The following FABP12 variants were observed in gnomAD, a reference collection of about 807,000 sequenced individuals.
FABP12 encodes the protein fatty acid binding protein 12.
FABP12 carries 19 observed loss-of-function variants against 13.7 expected under a neutral mutation model. That is an observed-to-expected ratio of 1.39 (90% confidence interval 0.97 to 2.04). The LOEUF (loss-of-function observed/expected upper bound fraction) is 2.04. FABP12 is among the 30% of genes most tolerant of loss of function. The pLI is 0.00. For synonymous variants in FABP12, 61 were observed against 57.0 expected, an observed-to-expected ratio of 1.07 and a Z score of -0.32; for missense variants, 182 against 164.2, an observed-to-expected ratio of 1.11 and a Z score of -0.59.
At chr8:81,582,283 T>C (rs747937597) in intron 1 of FABP12, among the ~76,000 whole-genome samples, 3 of 151,872 alleles carry the variant, frequency 2.0e-5, no homozygotes, top group Non-Finnish European at 4.4e-5. Flanking sequence ...CCATCACGCC[T>C]GGCTAATTTT....
intron 1 of FABP12, among the ~76,000 whole-genome samples, chr8:81,554,713 C>T (rs1249154393): frequency 1.3e-5 from 2 of 152,004 alleles, no homozygotes; most frequent in African/African-American, 4.8e-5. Context: ...GACAAGGTGT[C>T]CAATCTTTTG....
chr8:81,568,794 C>A (rs1394216290), intron 1 of FABP12, among the ~76,000 whole-genome samples: 3 of 151,976 alleles, frequency 2.0e-5, no homozygotes, highest in Non-Finnish European at 2.9e-5. Context: ...ATACTAAGAT[C>A]CTGTCATTTG....
chr8:81,587,207 A>T (rs1406054031), intron 1 of FABP12, among the ~76,000 whole-genome samples: 2 of 152,154 alleles, frequency 1.3e-5, no homozygotes, highest in African/African-American at 4.8e-5. Context: ...CTTGTAATAT[A>T]GTTTGAAATT....
intron 1 of FABP12, among the ~76,000 whole-genome samples, chr8:81,566,102 C>T (rs1005932179): frequency 6.6e-6 from 1 of 151,908 alleles, no homozygotes; most frequent in African/African-American, 2.4e-5. Flanking sequence ...TACAACCTAC[C>T]AAGATTGAAC....
chr8:81,531,094 A>C, intron 2 of FABP12, 149 bp downstream of exon 2: 1 of 630,156 alleles, frequency 1.6e-6, no homozygotes, highest in Non-Finnish European at 2.8e-6. Context: ...TTTTGCACAG[A>C]ACTATATCCT....
chr8:81,571,383 G>A (rs1284434928), intron 1 of FABP12, among the ~76,000 whole-genome samples: 1 of 152,170 alleles, frequency 6.6e-6, no homozygotes, highest in Non-Finnish European at 1.5e-5. Flanking sequence ...GGGTGGGTCC[G>A]CCTGGCCGTA....
intron 1 of FABP12, among the ~76,000 whole-genome samples, chr8:81,575,663 T>C (rs987888436): frequency 1.3e-5 from 2 of 152,228 alleles, no homozygotes; most frequent in Non-Finnish European, 2.9e-5. Context: ...ATGTTTAGGA[T>C]TGTGATATTT....
chr8:81,570,849 G>T (rs532931907), intron 1 of FABP12, among the ~76,000 whole-genome samples: 8 of 152,252 alleles, frequency 5.3e-5, no homozygotes, highest in African/African-American at 2.4e-5. Context: ...GCCTAGAAAA[G>T]GTACCACAGG....
chr8:81,583,482 T>G (rs1223407631), intron 1 of FABP12, among the ~76,000 whole-genome samples: 1 of 151,644 alleles, frequency 6.6e-6, no homozygotes, highest in Non-Finnish European at 1.5e-5. Context: ...AATGCCCAAA[T>G]AAACATAATC....
intron 1 of FABP12, among the ~76,000 whole-genome samples, chr8:81,551,928 G>C (rs929401539): frequency 6.6e-6 from 1 of 151,906 alleles, no homozygotes; most frequent in Non-Finnish European, 1.5e-5. Flanking sequence ...AATATTTAAG[G>C]GTCTAGTCGG....
At chr8:81,553,026 T>C (rs925615968) in intron 1 of FABP12, among the ~76,000 whole-genome samples, 1 of 152,164 alleles carries the variant, frequency 6.6e-6, no homozygotes, top group Non-Finnish European at 1.5e-5. Flanking sequence ...GAATCTTTAA[T>C]GTAATTTTTA....
At chr8:81,553,509 T>C (rs1486007) in intron 1 of FABP12, among the ~76,000 whole-genome samples, 1 of 152,108 alleles carries the variant, frequency 6.6e-6, no homozygotes, top group Non-Finnish European at 1.5e-5. Flanking sequence ...GTAATTATTA[T>C]CATTTTTTTC....
chr8:81,563,043 G>A (rs1167223975), intron 1 of FABP12, among the ~76,000 whole-genome samples: 1 of 152,218 alleles, frequency 6.6e-6, no homozygotes, highest in African/African-American at 2.4e-5. Context: ...AGGGGTGCTT[G>A]GGCCACCCCT....
intron 1 of FABP12, among the ~76,000 whole-genome samples, chr8:81,546,218 C>G (rs946071543): frequency 2.2e-4 from 33 of 152,170 alleles, no homozygotes; most frequent in South Asian, 2.1e-4. Context: ...TCTTGCCAAT[C>G]AATTTCAGAA....
At chr8:81,577,047 T>C (rs886266938) in intron 1 of FABP12, among the ~76,000 whole-genome samples, 8 of 152,232 alleles carry the variant, frequency 5.3e-5, no homozygotes, top group Admixed American at 6.5e-5. Context: ...TATCATACTT[T>C]TAAAATCAGT....
At chr8:81,543,313 G>A (rs565142774) in intron 1 of FABP12, among the ~76,000 whole-genome samples, 24 of 152,164 alleles carry the variant, frequency 1.6e-4, no homozygotes, top group Non-Finnish European at 3.1e-4. Context: ...TGCATATGAT[G>A]ATTCTTCAGC....
At chr8:81,530,109 T>A (rs1427720121) in intron 2 of FABP12, among the ~76,000 whole-genome samples, 8 of 152,328 alleles carry the variant, frequency 5.3e-5, no homozygotes, top group African/African-American at 1.9e-4. Flanking sequence ...AAAATATTTA[T>A]AACATATATT....
chr8:81,534,386 A>G (rs1221549727), upstream of FABP12, among the ~76,000 whole-genome samples: 4 of 152,208 alleles, frequency 2.6e-5, no homozygotes, highest in African/African-American at 7.2e-5. Context: ...ATTTTGATAG[A>G]ACAGGCAAAA....
intron 1 of FABP12, among the ~76,000 whole-genome samples, chr8:81,566,566 C>A (rs986656931): frequency 6.6e-6 from 1 of 151,970 alleles, no homozygotes; most frequent in African/African-American, 2.4e-5. Flanking sequence ...AGGACAAAAA[C>A]CATATGATCA....
Sources: gnomAD v4.1 joint callset for allele counts (sites outside exome capture counted in the v4.1 genomes callset) on GRCh38, gnomAD v4.1.1 for gene constraint, MANE v1.5 for transcripts, NCBI Gene and HGNC (gene_info 2026-07-23, HGNC 2026-07-21) for gene names.